The following PIK3C2G variants were observed in gnomAD, a reference collection of about 807,000 sequenced individuals.
The protein encoded by PIK3C2G is phosphatidylinositol-4-phosphate 3-kinase catalytic subunit type 2 gamma, also known as phosphatidylinositol 3-kinase C2 domain-containing subunit gamma.
A neutral mutation model predicts 181.1 loss-of-function variants in PIK3C2G; 168 were observed. That is an observed-to-expected ratio of 0.93 (90% CI 0.82 to 1.05). The LOEUF (loss-of-function observed/expected upper bound fraction) is 1.05, where lower values mean the gene tolerates loss of function less well. PIK3C2G is among the 50% of genes least tolerant of loss of function. The probability of loss-of-function intolerance (pLI) is 0.00; values close to 1 mark genes in which losing one functional copy is unlikely to be tolerated. For missense variants in PIK3C2G, 1,869 were observed against 1,732.8 expected (o/e 1.08, Z -1.40); for synonymous variants, 573 against 592.2 (o/e 0.97, Z 0.47).
upstream of PIK3C2G, among the ~76,000 whole-genome samples, chr12:18,245,344 C>A (rs566535929): frequency 1.3e-5 from 2 of 152,072 alleles, no homozygotes; most frequent in South Asian, 4.2e-4. Context: ...TATAATTAAA[C>A]ACTGGGAAAA....
the PIK3C2G span, chr12:18,723,455 CA>C: frequency 6.2e-7 from 1 of 1,612,912 alleles, no homozygotes; most frequent in Non-Finnish European, 8.5e-7. Flanking sequence ...TTGAAAATCT[CA>C]ATAATTTCTT....
At chr12:18,649,733 AG>A (rs1304857646), downstream of PIK3C2G, among the ~76,000 whole-genome samples, 1 of 152,218 alleles carries the variant, frequency 6.6e-6, no homozygotes, top group African/African-American at 2.4e-5. Flanking sequence ...GTTATTTTTC[AG>A]AACTATTCTG....
chr12:18,450,752 A>C (rs1452780462), intron 18 of PIK3C2G, among the ~76,000 whole-genome samples: 1 of 152,148 alleles, frequency 6.6e-6, no homozygotes, highest in African/African-American at 2.4e-5. Flanking sequence ...TAATTTTTGT[A>C]TAAGGTGTAA....
At chr12:18,644,665 T>C (rs1375870836) in intron 32 of PIK3C2G, among the ~76,000 whole-genome samples, 1 of 152,140 alleles carries the variant, frequency 6.6e-6, no homozygotes, top group Non-Finnish European at 1.5e-5. Context: ...TGATGAAAAT[T>C]GTATTTGTAA....
chr12:18,442,126 A>C (rs887152401), intron 18 of PIK3C2G, among the ~76,000 whole-genome samples: 2 of 152,180 alleles, frequency 1.3e-5, no homozygotes, highest in African/African-American at 2.4e-5. Flanking sequence ...TGCAATTAGA[A>C]TTTAATATAC....
chr12:18,320,337 G>A (rs184802324), intron 6 of PIK3C2G, among the ~76,000 whole-genome samples: 2 of 151,898 alleles, frequency 1.3e-5, no homozygotes, highest in African/African-American at 4.8e-5. Flanking sequence ...GTGTGTGTGC[G>A]TGTGTGTGTG....
intron 11 of PIK3C2G, among the ~76,000 whole-genome samples, chr12:18,349,541 A>C (rs1940009766): frequency 6.6e-6 from 1 of 152,194 alleles, no homozygotes; most frequent in Non-Finnish European, 1.5e-5. Context: ...AATGTATCTT[A>C]CTTAGAATAA....
intron 15 of PIK3C2G, among the ~76,000 whole-genome samples, chr12:18,393,710 C>G (rs11044072): frequency 2.6e-5 from 4 of 151,912 alleles, no homozygotes; most frequent in South Asian, 2.1e-4. Flanking sequence ...AAAATAGATA[C>G]GAAGCAACTG....
At chr12:18,350,182 G>A (rs1940090552) in intron 11 of PIK3C2G, among the ~76,000 whole-genome samples, 1 of 152,092 alleles carries the variant, frequency 6.6e-6, no homozygotes, top group Non-Finnish European at 1.5e-5. Flanking sequence ...AGCAATTAGT[G>A]GCAGTGTAAG....
intron 22 of PIK3C2G, among the ~76,000 whole-genome samples, chr12:18,501,442 C>T (rs1941472945): frequency 6.6e-6 from 1 of 152,152 alleles, no homozygotes; most frequent in South Asian, 2.1e-4. Context: ...CCCACCAGGT[C>T]CCTCCTTCCA....
At position 18,291,107 on chromosome 12, in the gene PIK3C2G, A is replaced by C. The variant is rs996162322; in HGVS notation, c.919+95A>C. ...AAGTCTGAAGTTATTAAAAAATAAT[A>C]TTAGCTACTGTTTTTCTCTGAAGTG... On this transcript the variant is annotated intron_variant, in intron 4 of 32. Coordinates refer to ENST00000538779, the MANE Select transcript of PIK3C2G (RefSeq NM_001288772.2). The C allele has an allele frequency of 2.4e-5, 16 of 670,814 alleles. No homozygotes were observed. In the Admixed American group the frequency reaches 4.8e-4, roughly 20 times the overall value. 41.6% of individuals were successfully genotyped at this position (670,814 alleles called of 1,614,324 possible).
chr12:18,696,207 T>C, the PIK3C2G span: 2 of 1,602,112 alleles, frequency 1.2e-6, no homozygotes, highest in East Asian at 4.5e-5. Context: ...GAGTCTGCTC[T>C]TGTTGCTTTG....
chr12:18,609,072 A>G (rs1381533247), intron 30 of PIK3C2G, among the ~76,000 whole-genome samples: 1 of 152,166 alleles, frequency 6.6e-6, no homozygotes, highest in Non-Finnish European at 1.5e-5. Context: ...TATCTCAAAA[A>G]GTAACTATTA....
At chr12:18,448,754 T>A (rs1031311272) in intron 18 of PIK3C2G, among the ~76,000 whole-genome samples, 5 of 151,920 alleles carry the variant, frequency 3.3e-5, no homozygotes, top group Non-Finnish European at 7.4e-5. Context: ...ATATATATAA[T>A]GAAATATTGT....
intron 18 of PIK3C2G, among the ~76,000 whole-genome samples, chr12:18,442,676 T>G (rs1389857046): frequency 4.6e-5 from 7 of 152,128 alleles, no homozygotes; most frequent in South Asian, 2.1e-4. Context: ...TAAGGATGAA[T>G]GTGAAAAAGA....
chr12:18,303,100 C>CTCTTTTTCTTTCTTTCTTTCTTTCTT (rs1555153498), intron 5 of PIK3C2G, among the ~76,000 whole-genome samples: 10 of 75,068 alleles, frequency 1.3e-4, no homozygotes, highest in South Asian at 5.2e-4. Flanking sequence ...TCTTTTCTTT[C>CTCTTTTTCTTTCTTTCTTTCTTTCTT]TCTTTCTTTC....
intron 7 of PIK3C2G, among the ~76,000 whole-genome samples, chr12:18,323,640 C>T (rs1288927190): frequency 6.6e-6 from 1 of 151,248 alleles, no homozygotes; most frequent in East Asian, 2.0e-4. Context: ...ACATTCTCAG[C>T]CTCATAAAGG....
chr12:18,420,816 C>A, intron 16 of PIK3C2G, 125 bp from the exon 17 acceptor site: 2 of 571,770 alleles, frequency 3.5e-6, no homozygotes, highest in South Asian at 2.4e-5. Flanking sequence ...TTACCTTAAT[C>A]GATTGTGGGA....
At chr12:18,715,892 G>C in the PIK3C2G span, 6 of 152,060 alleles carry the variant, frequency 3.9e-5, no homozygotes, top group Non-Finnish European at 8.8e-5. Context: ...AAACTTCAGA[G>C]TTTTCTTAAC....
Sources: allele counts gnomAD v4.1 joint callset (sites outside exome capture counted in the v4.1 genomes callset), GRCh38; gene constraint gnomAD v4.1.1; transcripts MANE v1.5; gene names NCBI Gene and HGNC (gene_info 2026-07-23, HGNC 2026-07-21).